LRP11: variants seen among roughly 807,000 people sequenced by gnomAD.
The protein encoded by LRP11 is low-density lipoprotein receptor-related protein 11.
Under a neutral mutation model 43.1 loss-of-function variants are expected in LRP11, and 25 were observed. The ratio of observed to expected loss-of-function variants is 0.58; its 90% CI spans 0.42 to 0.81. The LOEUF is 0.81. LRP11 is among the 30% of genes least tolerant of loss of function. LRP11 has a pLI of 0.00. For missense variants in LRP11, 623 were observed against 665.1 expected (o/e 0.94, Z 0.70); for synonymous variants, 316 against 299.4 (o/e 1.06, Z -0.57).
At chr6:149,822,354 G>T (rs569498917) in intron 6 of LRP11, among the ~76,000 whole-genome samples, 2 of 151,832 alleles carry the variant, frequency 1.3e-5, no homozygotes, top group Admixed American at 1.3e-4. Context: ...AAAAAAAAGA[G>T]AAGTGAGGCT....
At chr6:149,830,293 G>C (rs1024522338) in intron 5 of LRP11, among the ~76,000 whole-genome samples, 5 of 152,172 alleles carry the variant, frequency 3.3e-5, no homozygotes, top group Non-Finnish European at 7.4e-5. Context: ...TTACAGGCAT[G>C]AGCCACCGTG....
chr6:149,829,581 TAAAATA>T (rs1776383210), intron 5 of LRP11, among the ~76,000 whole-genome samples: 1 of 150,186 alleles, frequency 6.7e-6, no homozygotes, highest in African/African-American at 2.4e-5. Flanking sequence ...TAAAATAAAA[TAAAATA>T]AAAATAAAAA....
chr6:149,824,182 G>T (rs1776310998), intron 6 of LRP11, among the ~76,000 whole-genome samples: 3 of 152,184 alleles, frequency 2.0e-5, no homozygotes, highest in Admixed American at 6.5e-5. Context: ...TTAAAGATGA[G>T]CATCAGCATT....
chr6:149,845,355 G>A (rs1002403361), intron 2 of LRP11, among the ~76,000 whole-genome samples: 12 of 152,148 alleles, frequency 7.9e-5, no homozygotes, highest in African/African-American at 2.9e-4. Flanking sequence ...TTCATTCACT[G>A]CGACAGTGAC....
intron 1 of LRP11, among the ~76,000 whole-genome samples, chr6:149,863,009 A>T (rs1182729729): frequency 6.6e-6 from 1 of 152,214 alleles, no homozygotes; most frequent in African/African-American, 2.4e-5. Context: ...CCACGTCAAG[A>T]AAAAGGAGTG....
In LRP11 at chr6:149,851,745, T is replaced by C. The variant is rs1440514879; in HGVS notation, c.771+1258A>G. The stretch of plus-strand genomic sequence containing the variant: ...GGAAGGGGTGTTGTGGAAGGCACTC[T>C]TGTTTGGAGGAGAGGCTGGGAAGGA... On this transcript the variant is annotated intron_variant, in intron 2 of 6. Coordinates refer to ENST00000239367, the MANE Select transcript of LRP11 (RefSeq NM_032832.6). 2.0e-5 allele frequency among the ~76,000 whole-genome samples: 3 copies of C among 152,294 alleles called. No homozygotes were observed. In the East Asian group the frequency reaches 5.8e-4, roughly 29 times the overall value.
chr6:149,843,504 C>T (rs568829029), intron 2 of LRP11, among the ~76,000 whole-genome samples: 1 of 152,206 alleles, frequency 6.6e-6, no homozygotes, highest in South Asian at 2.1e-4. Context: ...TCCTGGTACC[C>T]TACCTGTACC....
chr6:149,852,368 T>A (rs942137229), intron 2 of LRP11: 1 of 152,154 alleles, frequency 6.6e-6, no homozygotes, highest in African/African-American at 2.4e-5. Context: ...AAGCCAGGAA[T>A]CCACCCTGAG....
At position 149,863,545 on chromosome 6, in the gene LRP11, C is replaced by T; in HGVS notation, c.476G>A (p.Gly159Asp). 7.3e-7 allele frequency: 1 copy of T among 1,367,078 alleles called. No individual in the cohort carries two copies. The highest frequency in any genetic ancestry group is 9.4e-7 in the Non-Finnish European group (1 of 1,068,984). 84.7% of individuals were successfully genotyped at this position (1,367,078 alleles called of 1,614,324 possible). A position where few individuals can be genotyped will look rare whatever the true frequency, so the allele number is the denominator to read the frequency against. Residue 159 changes from glycine (G) to aspartate (D), a missense_variant, in exon 1 of 7, where the codon GGC becomes GAC. By Grantham distance (94) the Gly-to-Asp change is moderately conservative (BLOSUM62 -1). Coordinates refer to ENST00000239367, the MANE Select transcript of LRP11 (RefSeq NM_032832.6). The stretch of plus-strand genomic sequence containing the variant: ...CGCCGTGCAGTTGAAGAGGTAGCAG[C>T]CGAGCACGGCTGCCGGGGGCGCGGG... ...RRPAPPAAVL[G>D]CYLFNCTARG...
At chr6:149,825,151 A>G (rs1160638764) in intron 6 of LRP11, among the ~76,000 whole-genome samples, 1 of 152,220 alleles carries the variant, frequency 6.6e-6, no homozygotes, top group African/African-American at 2.4e-5. Flanking sequence ...GGGTAAAAAG[A>G]AAGTTTTCTC....
At chr6:149,832,440 G>A (rs1265709260) in intron 5 of LRP11, among the ~76,000 whole-genome samples, 3 of 151,756 alleles carry the variant, frequency 2.0e-5, no homozygotes, top group Admixed American at 2.0e-4. Flanking sequence ...TGCCTGCCTC[G>A]GCCTCCCAAA....
At chr6:149,844,507 C>T (rs1423545821) in intron 2 of LRP11, among the ~76,000 whole-genome samples, 1 of 152,206 alleles carries the variant, frequency 6.6e-6, no homozygotes, top group Non-Finnish European at 1.5e-5. Flanking sequence ...TGAAGCTCAG[C>T]TCTGTGGTAG....
Position 149,863,442 on chromosome 6 carries a change from G to A in LRP11, c.579C>T (p.Ala193=). The change falls in exon 1 of 7, where the codon GCC becomes GCT. Residue 193 remains alanine, a synonymous_variant. Coordinates refer to ENST00000239367, the MANE Select transcript of LRP11 (RefSeq NM_032832.6). Reference sequence around the variant, plus strand: ...GCGAGGCGCGCGCGGTGGCCAGGGCGGCGCCGTCCGGCGCGCGGCTGAGGC... The same window carrying A: ...GCGAGGCGCGCGCGGTGGCCAGGGCAGCGCCGTCCGGCGCGCGGCTGAGGC... ...SYSLSRAPDG[A]ALATARASPR... The A allele has an allele frequency of 3.8e-6, 5 of 1,321,922 alleles. No homozygotes were observed. The highest frequency in any genetic ancestry group is 4.8e-6 in the Non-Finnish European group (5 of 1,044,158). 81.9% of individuals were successfully genotyped at this position (1,321,922 alleles called of 1,614,324 possible).
chr6:149,827,715 A>G lies in LRP11; in HGVS notation c.1253-1356T>C, dbSNP rs1205588295. On this transcript the variant is annotated intron_variant, in intron 5 of 6. Coordinates refer to ENST00000239367, the MANE Select transcript of LRP11 (RefSeq NM_032832.6). This position sits in a 1 kb window ranked among gnomAD's most constrained non-coding sequence, Gnocchi z 4.2. ...TCCAACTCACTGCAGTAGCCACGAC[A>G]GTGGTCACCAAGGACCTCTCCAGCT... Among the ~76,000 whole-genome samples, 1 of 152,248 alleles carries G rather than the reference A, an allele frequency of 6.6e-6. No individual in the cohort carries two copies. The highest frequency in any genetic ancestry group is 1.5e-5 in the Non-Finnish European group (1 of 68,036).
At chr6:149,820,928 C>CTTTTTTT (rs11399122) in intron 6 of LRP11, among the ~76,000 whole-genome samples, 1 of 116,492 alleles carries the variant, frequency 8.6e-6, no homozygotes, top group African/African-American at 3.7e-5. Flanking sequence ...CAAACCTAGA[C>CTTTTTTT]TTTTTTTTTT....
chr6:149,833,050 C>T (rs1372466914), intron 5 of LRP11, among the ~76,000 whole-genome samples: 5 of 151,924 alleles, frequency 3.3e-5, no homozygotes, highest in South Asian at 2.1e-4. Flanking sequence ...CCTTGTGATC[C>T]GCCTGCCTCG....
In LRP11 at chr6:149,863,523, C is replaced by T; in HGVS notation, c.498G>A (p.Thr166=). 1.5e-6 allele frequency: 2 copies of T among 1,350,266 alleles called. No homozygotes were observed. Among genetic ancestry groups the T allele is most frequent in the African/African-American group, 1.5e-5 (1 of 65,068 alleles). The allele number at this position is 1,350,266 out of a possible 1,614,324, so 83.6% of individuals were successfully genotyped here. ...ACTTGCAGACGTTGCGGCCGCGCGC[C>T]GTGCAGTTGAAGAGGTAGCAGCCGA... ...AVLGCYLFNC[T]ARGRNVCKFA... is the part of the protein sequence containing the mutation. The change falls in exon 1 of 7, where the codon ACG becomes ACA. Residue 166 remains threonine (T), a synonymous_variant. Transcript: ENST00000239367.
At chr6:149,842,602 TTCCA>T (rs1324054262) in intron 3 of LRP11, 1 of 1,545,700 alleles carries the variant, frequency 6.5e-7, no homozygotes. Flanking sequence ...CACTCTCTGC[TTCCA>T]CGAGTTCAAC....
At chr6:149,832,199 T>TC (rs1193287976) in intron 5 of LRP11, among the ~76,000 whole-genome samples, 1 of 149,988 alleles carries the variant, frequency 6.7e-6, no homozygotes, top group Non-Finnish European at 1.5e-5. Context: ...GTCTTTTTTT[T>TC]TTTTTTTTTT....
Sources: gnomAD v4.1 joint callset for allele counts (sites outside exome capture counted in the v4.1 genomes callset) on GRCh38, gnomAD v4.1.1 for gene constraint, Gnocchi (gnomAD v3.1) non-coding constraint, MANE v1.5 for transcripts, NCBI Gene and HGNC (gene_info 2026-07-23, HGNC 2026-07-21) for gene names.